The following ARMH3 variants were observed in gnomAD, a reference collection of about 807,000 sequenced individuals.
The protein encoded by ARMH3 is armadillo like helical domain containing 3.
Under a neutral mutation model 99.1 loss-of-function variants are expected in ARMH3, and 60 were observed. The observed-to-expected ratio is 0.61, with a 90% CI of 0.49 to 0.75. The LOEUF (loss-of-function observed/expected upper bound fraction) is 0.75, where lower values mean the gene tolerates loss of function less well. Among genes scored for constraint, ARMH3 ranks in the 30% least tolerant of loss-of-function variants. The pLI, the probability that ARMH3 is intolerant of heterozygous loss-of-function variation, is 0.00. For synonymous variants in ARMH3, 285 were observed against 292.8 expected, an observed-to-expected ratio of 0.97 and a Z score of 0.27; for missense variants, 679 against 843.1, an observed-to-expected ratio of 0.81 and a Z score of 2.41.
intron 14 of ARMH3, among the ~76,000 whole-genome samples, 156 bp from the exon 15 acceptor site, chr10:102,002,228 C>T (rs2066377678): frequency 6.6e-6 from 1 of 152,146 alleles, no homozygotes; most frequent in African/African-American, 2.4e-5. Flanking sequence ...CTTTTATCTA[C>T]TCTTCCTAAG....
chr10:102,035,674 G>A (rs932282403), intron 2 of ARMH3, among the ~76,000 whole-genome samples: 10 of 152,248 alleles, frequency 6.6e-5, no homozygotes, highest in African/African-American at 2.4e-4. Flanking sequence ...CCGAGGTGCC[G>A]GGATTGCAGA....
chr10:101,907,784 C>T (rs1364202700), intron 23 of ARMH3, among the ~76,000 whole-genome samples: 4 of 152,096 alleles, frequency 2.6e-5, no homozygotes, highest in Non-Finnish European at 4.4e-5. Context: ...CAGCAGTAAC[C>T]GATCTTGGAA....
chr10:101,924,214 A>G (rs1395617951), intron 23 of ARMH3, among the ~76,000 whole-genome samples: 2 of 152,216 alleles, frequency 1.3e-5, no homozygotes, highest in Admixed American at 6.5e-5. Flanking sequence ...TAACAAAAAT[A>G]AAGTGTTGCA....
intron 8 of ARMH3, among the ~76,000 whole-genome samples, chr10:102,015,501 C>T (rs2066728570): frequency 6.6e-6 from 1 of 151,974 alleles, no homozygotes; most frequent in South Asian, 2.1e-4. Flanking sequence ...AGCGATTCTC[C>T]TGCCTCAGCC....
rs767378548 is a variant in ARMH3, at chr10:102,023,558, A to C, written c.588T>G (p.Leu196=). ...NSIFEAILQI[L]SHPPSRREHG... ...GCTCCCTACGACTTGGGGGATGGGAAAGTATCTGTAACAAGAACCAAAAAT... is the reference window on the plus strand; with the variant it reads ...GCTCCCTACGACTTGGGGGATGGGACAGTATCTGTAACAAGAACCAAAAAT... The change falls in exon 8 of 26, where the codon CTT becomes CTG. Residue 196 remains leucine, a synonymous_variant. Coordinates refer to ENST00000370033, the MANE Select transcript of ARMH3 (RefSeq NM_024541.3). 1 of 1,614,032 alleles carries C rather than the reference A, an allele frequency of 6.2e-7. No homozygotes were observed. The highest frequency in any genetic ancestry group is 8.5e-7 in the Non-Finnish European group (1 of 1,179,928).
rs1320749914 is a variant in ARMH3, at chr10:102,033,104, G to A, written c.228C>T (p.Asp76=). The A allele has an allele frequency of 1.2e-6, 2 of 1,614,018 alleles. No homozygotes were observed. The highest frequency in any genetic ancestry group is 2.7e-5 in the African/African-American group (2 of 74,896). ...LDGEELMKIK[D]NINCLFQHCI... The stretch of plus-strand genomic sequence containing the variant: ...AGTGTTGGAATAAGCAATTAATATT[G>A]TCCTTGATCTTCATTAACTCCTCAC... The change falls in exon 4 of 26, where the codon GAC becomes GAT. Residue 76 remains aspartate, a synonymous_variant. Coordinates refer to ENST00000370033, the MANE Select transcript of ARMH3 (RefSeq NM_024541.3).
intron 23 of ARMH3, among the ~76,000 whole-genome samples, chr10:101,935,624 A>T (rs1843932457): frequency 6.6e-6 from 1 of 152,216 alleles, no homozygotes. Flanking sequence ...GCTATTGTCA[A>T]CTGGCAAACT....
chr10:101,900,821 A>G (rs548031842), intron 23 of ARMH3, among the ~76,000 whole-genome samples: 54 of 152,058 alleles, frequency 3.6e-4, no homozygotes, highest in African/African-American at 1.1e-3. Context: ...CATATCTACA[A>G]AAAATTTTTT....
At position 101,847,765 on chromosome 10, in the gene ARMH3, T is replaced by TC. The variant is rs2066496343; in HGVS notation, c.1978-146dup. 4.2e-6 allele frequency: 3 copies of TC among 710,426 alleles called. No homozygotes were observed. In the South Asian group the frequency reaches 5.0e-5, roughly 12 times the overall value. The allele number at this position is 710,426 out of a possible 1,614,324, so 44.0% of individuals were successfully genotyped here. Reference sequence around the variant, plus strand: ...GGAAATGAACCCTTAACAGCTATTATCCCTGCAGGCAAATGAGCAAACAGT... The same window carrying TC: ...GGAAATGAACCCTTAACAGCTATTATCCCCTGCAGGCAAATGAGCAAACAGT... On this transcript the variant is annotated intron_variant, in intron 25 of 25. Coordinates refer to ENST00000370033, the MANE Select transcript of ARMH3 (RefSeq NM_024541.3).
chr10:101,854,802 A>G (rs2066692913), intron 24 of ARMH3, among the ~76,000 whole-genome samples: 1 of 152,098 alleles, frequency 6.6e-6, no homozygotes, highest in Admixed American at 6.5e-5. Context: ...CAGTATCTAT[A>G]AAATGAAGAC....
At chr10:101,995,212 T>G in intron 16 of ARMH3, 85 bp downstream of exon 16, 709 of 1,158,774 alleles carry the variant, frequency 6.1e-4, no homozygotes, top group Non-Finnish European at 8.0e-4. Flanking sequence ...CTAAATGTCA[T>G]GAGACAGTAA....
intron 20 of ARMH3, among the ~76,000 whole-genome samples, chr10:101,962,939 T>C (rs1040553023): frequency 2.5e-4 from 38 of 151,204 alleles, no homozygotes; most frequent in Non-Finnish European, 5.0e-4. Context: ...AAAGGAAAAA[T>C]CCTATAAGCT....
chr10:101,930,769 G>C (rs1329778746), intron 23 of ARMH3, among the ~76,000 whole-genome samples: 2 of 152,160 alleles, frequency 1.3e-5, no homozygotes, highest in Non-Finnish European at 2.9e-5. Flanking sequence ...ACTGAACAAA[G>C]TTGGGTATGG....
At chr10:102,008,469 C>T (rs1041596545) in intron 13 of ARMH3, among the ~76,000 whole-genome samples, 9 of 152,068 alleles carry the variant, frequency 5.9e-5, no homozygotes, top group African/African-American at 2.2e-4. Flanking sequence ...TGTGGCTATC[C>T]CTCAGGCATG....
At chr10:101,900,055 T>A (rs1766274729) in intron 23 of ARMH3, among the ~76,000 whole-genome samples, 1 of 152,188 alleles carries the variant, frequency 6.6e-6, no homozygotes. Context: ...TCCCCTTATG[T>A]CTACTTTTTA....
chr10:102,036,134 G>T lies in ARMH3; in HGVS notation c.103-2795C>A, dbSNP rs564722033. Among the ~76,000 whole-genome samples the T allele has an allele frequency of 1.9e-3, 280 of 147,456 alleles. 2 individuals carry two copies. The highest frequency in any genetic ancestry group is 6.7e-3 in the African/African-American group (267 of 39,638). On this transcript the variant is annotated intron_variant, in intron 2 of 25. Coordinates refer to ENST00000370033, the MANE Select transcript of ARMH3 (RefSeq NM_024541.3). ...GGGAGGTGGGGGGCAGCCCCCGCCC[G>T]GCCAGCCGCCCCATCCGGGAGGGAG...
At chr10:101,943,698 A>C (rs1490467802) in intron 22 of ARMH3, among the ~76,000 whole-genome samples, 1 of 152,190 alleles carries the variant, frequency 6.6e-6, no homozygotes, top group Non-Finnish European at 1.5e-5. Context: ...GCATAAGCAG[A>C]GGGAAAATCA....
chr10:102,012,340 T>C (rs1338684826), intron 10 of ARMH3, among the ~76,000 whole-genome samples: 2 of 152,176 alleles, frequency 1.3e-5, no homozygotes, highest in African/African-American at 4.8e-5. Flanking sequence ...CAAGCATCAA[T>C]GAAGGGAGCC....
At chr10:101,938,533 C>G (rs2135709441) in intron 23 of ARMH3, among the ~76,000 whole-genome samples, 1 of 152,248 alleles carries the variant, frequency 6.6e-6, no homozygotes, top group South Asian at 2.1e-4. Flanking sequence ...CCTGGAAGGC[C>G]TACATAAATA....
Sources: allele counts gnomAD v4.1 joint callset (sites outside exome capture counted in the v4.1 genomes callset), GRCh38; gene constraint gnomAD v4.1.1; transcripts MANE v1.5; gene names NCBI Gene and HGNC (gene_info 2026-07-23, HGNC 2026-07-21).